Variants in GRID2 observed in about 807,000 individuals in gnomAD.
GRID2 encodes the protein glutamate receptor ionotropic, delta-2.
A neutral mutation model predicts 114.8 loss-of-function variants in GRID2; 33 were observed. The ratio of observed to expected loss-of-function variants is 0.29; its 90% CI spans 0.22 to 0.38. The LOEUF is 0.38. Ranked by LOEUF, GRID2 falls within the 10% of genes least tolerant of loss-of-function variation. GRID2 has a pLI of 1.00. For synonymous variants in GRID2, 505 were observed against 449.9 expected, an observed-to-expected ratio of 1.12 and a Z score of -1.55; for missense variants, 1,184 against 1,257.7, an observed-to-expected ratio of 0.94 and a Z score of 0.89.
chr4:93,065,701 G>A (rs1039281775), intron 2 of GRID2, among the ~76,000 whole-genome samples: 9 of 151,774 alleles, frequency 5.9e-5, no homozygotes, highest in African/African-American at 1.4e-4. Context: ...ACCAAACACG[G>A]GTTTGCATGA....
At chr4:92,435,442 G>A (rs1732690616) in intron 1 of GRID2, among the ~76,000 whole-genome samples, 2 of 152,154 alleles carry the variant, frequency 1.3e-5, no homozygotes, top group Admixed American at 1.3e-4. Context: ...CAAGTGTCAT[G>A]AGTATTCATC....
intron 13 of GRID2, among the ~76,000 whole-genome samples, chr4:93,607,991 C>A (rs941313829): frequency 1.3e-5 from 2 of 151,094 alleles, no homozygotes; most frequent in Non-Finnish European, 3.0e-5. Context: ...GGTGTTTTTT[C>A]TCATACAAAG....
intron 8 of GRID2, among the ~76,000 whole-genome samples, chr4:93,283,244 C>T (rs886828053): frequency 2.0e-5 from 3 of 152,048 alleles, no homozygotes; most frequent in Non-Finnish European, 2.9e-5. Flanking sequence ...ATGTTATGTA[C>T]TGTTTCATTT....
At chr4:93,057,273 GC>G (rs1727346197) in intron 2 of GRID2, among the ~76,000 whole-genome samples, 1 of 151,702 alleles carries the variant, frequency 6.6e-6, no homozygotes, top group Non-Finnish European at 1.5e-5. Flanking sequence ...GATTACTTAT[GC>G]TTGACAGGTA....
chr4:93,025,654 G>A (rs1339904838), intron 2 of GRID2, among the ~76,000 whole-genome samples: 4 of 151,488 alleles, frequency 2.6e-5, no homozygotes, highest in Non-Finnish European at 4.4e-5. Context: ...TCCTACCACC[G>A]GGGCAAACTT....
At chr4:93,405,975 T>C (rs1171440354) in intron 9 of GRID2, among the ~76,000 whole-genome samples, 1 of 152,216 alleles carries the variant, frequency 6.6e-6, no homozygotes, top group Non-Finnish European at 1.5e-5. Flanking sequence ...TACTAATAAA[T>C]CTCATTGTTA....
At chr4:92,951,458 A>C (rs767518258) in intron 2 of GRID2, among the ~76,000 whole-genome samples, 16 of 151,904 alleles carry the variant, frequency 1.1e-4, no homozygotes, top group Non-Finnish European at 1.6e-4. Context: ...CTCTCATCTC[A>C]GCCTCCTGAG....
At chr4:93,696,189 G>A (rs1031530692) in intron 14 of GRID2, among the ~76,000 whole-genome samples, 4 of 152,040 alleles carry the variant, frequency 2.6e-5, no homozygotes, top group African/African-American at 7.2e-5. Context: ...TACATCATCC[G>A]TTCTTTGCCT....
At chr4:93,463,324 A>C (rs1194319989) in intron 11 of GRID2, among the ~76,000 whole-genome samples, 1 of 152,196 alleles carries the variant, frequency 6.6e-6, no homozygotes, top group Non-Finnish European at 1.5e-5. Context: ...TACATTCCTA[A>C]TGAACTGTGA....
intron 1 of GRID2, among the ~76,000 whole-genome samples, chr4:92,431,306 G>A (rs1292134312): frequency 6.6e-6 from 1 of 151,948 alleles, no homozygotes; most frequent in African/African-American, 2.4e-5. Context: ...GATGGTTTTT[G>A]TCATGAAGGG....
chr4:93,316,003 T>A (rs544259378), intron 8 of GRID2, among the ~76,000 whole-genome samples: 1 of 152,164 alleles, frequency 6.6e-6, no homozygotes, highest in Non-Finnish European at 1.5e-5. Context: ...AAGAATGTAG[T>A]TTTTGATGAG....
chr4:92,830,123 A>C (rs1414366083), intron 2 of GRID2, among the ~76,000 whole-genome samples: 3 of 151,770 alleles, frequency 2.0e-5, no homozygotes, highest in African/African-American at 7.3e-5. Context: ...CAAAACTAGC[A>C]CTGAGGAAAC....
intron 1 of GRID2, among the ~76,000 whole-genome samples, chr4:92,363,650 T>G (rs1490881489): frequency 6.6e-6 from 1 of 152,006 alleles, no homozygotes; most frequent in Non-Finnish European, 1.5e-5. Context: ...TTTTGTCATT[T>G]AGACTTCTAT....
chr4:92,648,903 C>T (rs1391663503), intron 2 of GRID2, among the ~76,000 whole-genome samples: 10 of 144,704 alleles, frequency 6.9e-5, no homozygotes, highest in Admixed American at 6.9e-4. Flanking sequence ...TTATCAGATA[C>T]ATAAATATGA....
At chr4:92,332,022 C>T (rs1204017507) in intron 1 of GRID2, among the ~76,000 whole-genome samples, 1 of 152,224 alleles carries the variant, frequency 6.6e-6, no homozygotes, top group Non-Finnish European at 1.5e-5. Context: ...TCACACATGT[C>T]CTAAACTGGC....
In GRID2 at chr4:93,372,639, G is replaced by A. The variant is rs191115552; in HGVS notation, c.1246-22968G>A. Among the ~76,000 whole-genome samples, 208 of 152,066 alleles carry A rather than the reference G, an allele frequency of 1.4e-3. 2 individuals carry two copies. The highest frequency in any genetic ancestry group is 0.011 in the Admixed American group (168 of 15,258). The stretch of plus-strand genomic sequence containing the variant: ...CTCTAGTGTCTTGTAGACATTAGAG[G>A]CACAGAAACCATTTTTCACTGTCTA... On this transcript the variant is annotated intron_variant, in intron 8 of 15. Coordinates refer to ENST00000282020, the MANE Select transcript of GRID2 (RefSeq NM_001510.4).
chr4:93,758,362 C>A (rs1462843168), intron 14 of GRID2, among the ~76,000 whole-genome samples: 3 of 152,156 alleles, frequency 2.0e-5, no homozygotes, highest in Admixed American at 6.5e-5. Context: ...AACTGTAATA[C>A]AAATATGCTC....
intron 2 of GRID2, among the ~76,000 whole-genome samples, chr4:92,738,478 C>G (rs1033701857): frequency 6.6e-6 from 1 of 151,824 alleles, no homozygotes; most frequent in African/African-American, 2.4e-5. Flanking sequence ...GGCTAGGTAA[C>G]GAATACATAT....
intron 1 of GRID2, among the ~76,000 whole-genome samples, chr4:92,328,093 GAAATGTC>G (rs1275932110): frequency 6.6e-6 from 1 of 151,998 alleles, no homozygotes; most frequent in African/African-American, 2.4e-5. Flanking sequence ...GAGACAGGGA[GAAATGTC>G]AAATGTCAAA....
Sources: gnomAD v4.1 joint callset for allele counts (sites outside exome capture counted in the v4.1 genomes callset) on GRCh38, gnomAD v4.1.1 for gene constraint, MANE v1.5 for transcripts, NCBI Gene and HGNC (gene_info 2026-07-23, HGNC 2026-07-21) for gene names.